ACMSD: variants seen among roughly 807,000 people sequenced by gnomAD.
ACMSD encodes the protein 2-amino-3-carboxymuconate-6-semialdehyde decarboxylase.
ACMSD carries 37 observed loss-of-function variants against 45.9 expected under a neutral mutation model. That is an observed-to-expected ratio of 0.81 (90% CI 0.62 to 1.06). The LOEUF (loss-of-function observed/expected upper bound fraction) is 1.06, where lower values mean the gene tolerates loss of function less well. Among genes scored for constraint, ACMSD ranks in the 50% least tolerant of loss-of-function variants. The pLI, the probability that ACMSD is intolerant of heterozygous loss-of-function variation, is 0.00. For synonymous variants in ACMSD, 138 were observed against 148.8 expected (o/e 0.93, Z 0.53); for missense variants, 434 against 420.9 (o/e 1.03, Z -0.27).
At chr2:134,898,475 C>A in intron 9 of ACMSD, 36 bp downstream of exon 9, 1 of 1,460,162 alleles carries the variant, frequency 6.8e-7, no homozygotes. Flanking sequence ...TTCTTACTGA[C>A]TTTTCCTGCT....
At chr2:134,872,711 C>T (rs1688521099) in intron 8 of ACMSD, 70 bp downstream of exon 8, 1 of 1,555,980 alleles carries the variant, frequency 6.4e-7, no homozygotes, top group Admixed American at 1.7e-5. Flanking sequence ...ATTCTCTCTC[C>T]TTTGGCCTCT....
At chr2:134,898,291 C>T (rs1363650907) in intron 8 of ACMSD, 50 bp from the exon 9 acceptor site, 8 of 1,149,390 alleles carry the variant, frequency 7.0e-6, no homozygotes, top group Non-Finnish European at 9.7e-6. Context: ...TTACAGGAGG[C>T]TCTTTCATGT....
intron 5 of ACMSD, among the ~76,000 whole-genome samples, chr2:134,865,008 T>TTA (rs1177991834): frequency 6.6e-6 from 1 of 152,236 alleles, no homozygotes; most frequent in Non-Finnish European, 1.5e-5. Flanking sequence ...TTGCTTTCTA[T>TTA]TATTTTCATT....
At chr2:134,892,181 C>T (rs1689825471) in intron 8 of ACMSD, among the ~76,000 whole-genome samples, 1 of 151,764 alleles carries the variant, frequency 6.6e-6, no homozygotes. Flanking sequence ...CACCATTATG[C>T]AATATCTCCA....
intron 7 of ACMSD, among the ~76,000 whole-genome samples, chr2:134,871,958 C>CT (rs1688471115): frequency 9.9e-6 from 1 of 101,510 alleles, no homozygotes; most frequent in Non-Finnish European, 1.9e-5. Flanking sequence ...CTTGCCTTCA[C>CT]TCTTTTTTTT....
intron 5 of ACMSD, among the ~76,000 whole-genome samples, chr2:134,865,515 T>A (rs1485443004): frequency 6.6e-6 from 1 of 152,220 alleles, no homozygotes; most frequent in East Asian, 1.9e-4. Flanking sequence ...CTGGGCTGTT[T>A]TGAGGACATC....
chr2:134,885,441 T>C (rs966546669), intron 8 of ACMSD, among the ~76,000 whole-genome samples: 2 of 118,102 alleles, frequency 1.7e-5, no homozygotes, highest in African/African-American at 6.7e-5. Flanking sequence ...AATATATAAA[T>C]ATATATAAAA....
rs776772158 is a variant in ACMSD, at chr2:134,863,620, C to T, written c.475C>T (p.Pro159Ser). ...GGACCTGAACGCGCAGGAGCTCTTTCCTGTCTATGCGGTGAGTAGCGGGGC... is the reference window on the plus strand; with the variant it reads ...GGACCTGAACGCGCAGGAGCTCTTTTCTGTCTATGCGGTGAGTAGCGGGGC... ...EWDLNAQELF[P>S]VYAAAERLKC... The change falls in exon 5 of 10, where the codon CCT (proline) becomes TCT (serine). Residue 159 changes from proline (P) to serine (S), a missense_variant. Pro to Ser is a moderately conservative substitution (Grantham distance 74). Transcript: ENST00000356140. 3.1e-6 allele frequency: 5 copies of T among 1,614,082 alleles called. No individual in the cohort carries two copies. Among genetic ancestry groups the T allele is most frequent in the Non-Finnish European group, 4.2e-6 (5 of 1,180,016 alleles).
At chr2:134,872,795 A>C in intron 8 of ACMSD, 154 bp downstream of exon 8, 1 of 828,846 alleles carries the variant, frequency 1.2e-6, no homozygotes, top group Non-Finnish European at 1.9e-6. Flanking sequence ...AGGTTTGCTC[A>C]CACAGGGGAT....
intron 8 of ACMSD, among the ~76,000 whole-genome samples, chr2:134,878,323 C>A (rs914619476): frequency 2.6e-5 from 4 of 152,134 alleles, no homozygotes; most frequent in Non-Finnish European, 5.9e-5. Flanking sequence ...CAAAAACATT[C>A]TTTTCGTTTT....
intron 9 of ACMSD, 135 bp downstream of exon 9, chr2:134,898,574 A>G (rs1175448858): frequency 1.0e-5 from 5 of 494,068 alleles, no homozygotes; most frequent in African/African-American, 6.0e-5. Context: ...CTATTACTCT[A>G]TCTCCATAAA....
At chr2:134,857,011 T>C (rs2104842631) in intron 2 of ACMSD, among the ~76,000 whole-genome samples, 1 of 152,372 alleles carries the variant, frequency 6.6e-6, no homozygotes, top group Non-Finnish European at 1.5e-5. Context: ...TATCAATTTT[T>C]CAATCCACGA....
At chr2:134,846,757 C>A (rs1468735629) in intron 2 of ACMSD, among the ~76,000 whole-genome samples, 1 of 152,104 alleles carries the variant, frequency 6.6e-6, no homozygotes, top group Non-Finnish European at 1.5e-5. Flanking sequence ...TTGTGTCAGG[C>A]CCACCAACCT....
At chr2:134,891,560 G>A (rs1294852518) in intron 8 of ACMSD, among the ~76,000 whole-genome samples, 1 of 152,044 alleles carries the variant, frequency 6.6e-6, no homozygotes, top group Non-Finnish European at 1.5e-5. Flanking sequence ...CAATCTGAAT[G>A]GCTATTATTA....
At chr2:134,899,005 C>G (rs1017283240) in intron 9 of ACMSD, among the ~76,000 whole-genome samples, 6 of 152,030 alleles carry the variant, frequency 3.9e-5, no homozygotes, top group African/African-American at 1.4e-4. Context: ...TTCAGTTTCC[C>G]TCTCCTTTGC....
At chr2:134,896,738 T>C (rs192274805) in intron 8 of ACMSD, among the ~76,000 whole-genome samples, 1 of 152,264 alleles carries the variant, frequency 6.6e-6, no homozygotes, top group Non-Finnish European at 1.5e-5. Context: ...GAAAATAGTT[T>C]CTCAAAATGT....
At chr2:134,849,956 C>T (rs1464410762) in intron 2 of ACMSD, among the ~76,000 whole-genome samples, 2 of 123,854 alleles carry the variant, frequency 1.6e-5, no homozygotes, top group Non-Finnish European at 3.2e-5. Flanking sequence ...CATCCCAGGG[C>T]CTTGGGAACA....
At chr2:134,897,474 T>C (rs989505181) in intron 8 of ACMSD, among the ~76,000 whole-genome samples, 2 of 152,200 alleles carry the variant, frequency 1.3e-5, no homozygotes, top group African/African-American at 4.8e-5. Context: ...GCCAGTCTTT[T>C]GCTGTTCCAA....
chr2:134,878,884 A>C (rs1340118130), intron 8 of ACMSD, among the ~76,000 whole-genome samples: 1 of 152,152 alleles, frequency 6.6e-6, no homozygotes, highest in Non-Finnish European at 1.5e-5. Context: ...CTTAGCCACA[A>C]ATCTCTGAGA....
Sources: gnomAD v4.1 joint callset for allele counts (sites outside exome capture counted in the v4.1 genomes callset) on GRCh38, gnomAD v4.1.1 for gene constraint, MANE v1.5 for transcripts, NCBI Gene and HGNC (gene_info 2026-07-23, HGNC 2026-07-21) for gene names.